FBXO21: variants seen among roughly 807,000 people sequenced by gnomAD.
FBXO21 encodes the protein F-box only protein 21.
A neutral mutation model predicts 76.6 loss-of-function variants in FBXO21; 32 were observed. That is an observed-to-expected ratio of 0.42 (90% CI 0.32 to 0.56). The LOEUF (loss-of-function observed/expected upper bound fraction) is 0.56, where lower values mean the gene tolerates loss of function less well. FBXO21 is among the 20% of genes least tolerant of loss of function. The pLI is 0.16. For synonymous variants in FBXO21, 328 were observed against 311.5 expected, an observed-to-expected ratio of 1.05 and a Z score of -0.56; for missense variants, 586 against 797.3, an observed-to-expected ratio of 0.73 and a Z score of 3.19.
intron 3 of FBXO21, among the ~76,000 whole-genome samples, chr12:117,178,503 C>G (rs1450683567): frequency 1.3e-5 from 2 of 152,068 alleles, no homozygotes; most frequent in East Asian, 3.9e-4. Flanking sequence ...CGGTTTCCCA[C>G]CTCGCTCCAA....
chr12:117,165,769 G>T (rs1418883964), intron 8 of FBXO21, 152 bp from the exon 9 acceptor site: 5 of 682,508 alleles, frequency 7.3e-6, no homozygotes, highest in African/African-American at 5.3e-5. Flanking sequence ...GAGATACAAT[G>T]CTCTTAAGAA....
At chr12:117,149,991 C>T (rs1249704225) in intron 11 of FBXO21, among the ~76,000 whole-genome samples, 3 of 152,174 alleles carry the variant, frequency 2.0e-5, no homozygotes, top group African/African-American at 7.2e-5. Flanking sequence ...CTCCCAGCCC[C>T]ACTCCTGGCT....
At chr12:117,189,146 G>A in intron 2 of FBXO21, 81 bp downstream of exon 2, 8 of 1,519,452 alleles carry the variant, frequency 5.3e-6, no homozygotes, top group Non-Finnish European at 7.3e-6. Context: ...GATACGAAAA[G>A]AGCTGGATGA....
chr12:117,163,757 A>G (rs1383254532), intron 9 of FBXO21, among the ~76,000 whole-genome samples: 3 of 151,892 alleles, frequency 2.0e-5, no homozygotes, highest in African/African-American at 7.3e-5. Context: ...AGCCTGGCCA[A>G]CATGGTGAAA....
chr12:117,165,932 G>A (rs1425628696), intron 8 of FBXO21, among the ~76,000 whole-genome samples: 1 of 152,218 alleles, frequency 6.6e-6, no homozygotes, highest in African/African-American at 2.4e-5. Flanking sequence ...GCTCATGCCT[G>A]TAATCCCACC....
intron 11 of FBXO21, among the ~76,000 whole-genome samples, chr12:117,147,290 G>GAAAAAAAAAA (rs144755940): frequency 1.2e-5 from 1 of 85,078 alleles, no homozygotes; most frequent in Non-Finnish European, 2.3e-5. Flanking sequence ...TGAAAAAATG[G>GAAAAAAAAAA]AAAAAAAAAA....
Position 117,190,436 on chromosome 12 carries a change from G to C in FBXO21, c.21C>G (p.Asp7Glu). The change falls in exon 1 of 12, where the codon GAC (aspartate) becomes GAG (glutamate). Residue 7 changes from aspartate to glutamate, a missense_variant. By Grantham distance (45) the Asp-to-Glu change is conservative (BLOSUM62 2). This residue lies in a region of FBXO21 where 152 missense variants were observed against 127.2 expected (regional missense o/e 1.19). Coordinates refer to ENST00000622495, the MANE Select transcript of FBXO21 (RefSeq NM_015002.3). ...GCGCCGGCACCACCTCCATCGCGCTGTCGACTGCTGCCGCCGCCATCTTGT... is the reference window on the plus strand; with the variant it reads ...GCGCCGGCACCACCTCCATCGCGCTCTCGACTGCTGCCGCCGCCATCTTGT... MAAAAV[D>E]SAMEVVPALA... is the part of the protein sequence containing the mutation. The C allele has an allele frequency of 1.4e-6, 2 of 1,406,104 alleles. No individual in the cohort carries two copies. The highest frequency in any genetic ancestry group is 2.9e-5 in the East Asian group (1 of 34,016). The allele number at this position is 1,406,104 out of a possible 1,614,324, so 87.1% of individuals were successfully genotyped here.
chr12:117,148,732 TAAG>T (rs1955806796), intron 11 of FBXO21, among the ~76,000 whole-genome samples: 1 of 152,002 alleles, frequency 6.6e-6, no homozygotes, highest in Non-Finnish European at 1.5e-5. Flanking sequence ...GAACCAGAAG[TAAG>T]AAAAATCCAA....
At chr12:117,146,404 T>A in intron 11 of FBXO21, 127 bp from the exon 12 acceptor site, 2 of 722,360 alleles carry the variant, frequency 2.8e-6, no homozygotes, top group South Asian at 3.7e-5. Context: ...AGACTGAAGA[T>A]GTTTATGGAG....
intron 3 of FBXO21, among the ~76,000 whole-genome samples, chr12:117,181,653 GCTAT>G (rs1254841788): frequency 2.8e-5 from 4 of 143,778 alleles, no homozygotes; most frequent in South Asian, 4.5e-4. Flanking sequence ...ATCTAATCTA[GCTAT>G]CTATCTATCT....
At chr12:117,181,760 T>C (rs868329098) in intron 3 of FBXO21, among the ~76,000 whole-genome samples, 4 of 152,074 alleles carry the variant, frequency 2.6e-5, no homozygotes, top group Non-Finnish European at 5.9e-5. Flanking sequence ...AGCGATTCTC[T>C]TGTTTCAGCC....
rs533308183 is a variant in FBXO21 at position 117,149,297 on chromosome 12, G to A, written c.1676-3020C>T. Among the ~76,000 whole-genome samples, 272 of 152,244 alleles carry A rather than the reference G, an allele frequency of 1.8e-3. 1 individual carries two copies. The highest frequency in any genetic ancestry group is 2.9e-3 in the Non-Finnish European group (197 of 68,012). On this transcript the variant is annotated intron_variant, in intron 11 of 11. Transcript: ENST00000622495. ...TTACAAGTGTGAGCCACCACGCCTGGCCATGTTTGGATTTTCTTGCAGAGC... is the reference window on the plus strand; with the variant it reads ...TTACAAGTGTGAGCCACCACGCCTGACCATGTTTGGATTTTCTTGCAGAGC...
chr12:117,159,921 T>C (rs4766831), intron 9 of FBXO21, among the ~76,000 whole-genome samples: 83,504 of 152,066 alleles, frequency 0.55, 23,395 homozygotes, highest in African/African-American at 0.65. Flanking sequence ...AGGGCAGAAA[T>C]GAAGACATTG....
chr12:117,187,192 G>C (rs556230999), intron 2 of FBXO21, among the ~76,000 whole-genome samples: 1 of 149,608 alleles, frequency 6.7e-6, no homozygotes, highest in African/African-American at 2.5e-5. Context: ...AGGCTGAGGT[G>C]GGCGGATCAC....
At chr12:117,148,148 A>G (rs1955799791) in intron 11 of FBXO21, among the ~76,000 whole-genome samples, 1 of 138,502 alleles carries the variant, frequency 7.2e-6, no homozygotes, top group South Asian at 2.3e-4. Flanking sequence ...GAGTTGTAGG[A>G]CTCAATCTGC....
At chr12:117,157,189 A>G (rs1335898002) in intron 10 of FBXO21, among the ~76,000 whole-genome samples, 1 of 152,074 alleles carries the variant, frequency 6.6e-6, no homozygotes, top group Non-Finnish European at 1.5e-5. Flanking sequence ...CCAAAGAAAA[A>G]AAAAAAAAGA....
At chr12:117,162,775 C>T (rs1467240014) in intron 9 of FBXO21, among the ~76,000 whole-genome samples, 1 of 152,196 alleles carries the variant, frequency 6.6e-6, no homozygotes, top group Non-Finnish European at 1.5e-5. Flanking sequence ...TGTAAAAATA[C>T]ACCTCAAACT....
chr12:117,158,094 A>G (rs1336856568), intron 9 of FBXO21, 31 bp from the exon 10 acceptor site: 1 of 1,612,962 alleles, frequency 6.2e-7, no homozygotes. Flanking sequence ...ACTAAAAGAT[A>G]ATATTTTCAG....
chr12:117,189,488 C>A, intron 1 of FBXO21, 126 bp from the exon 2 acceptor site: 1 of 954,380 alleles, frequency 1.0e-6, no homozygotes, highest in Non-Finnish European at 1.6e-6. Context: ...CGGCGAGAGA[C>A]CTAGTTCAAA....
Sources: gnomAD v4.1 joint callset for allele counts (sites outside exome capture counted in the v4.1 genomes callset) on GRCh38, gnomAD v4.1.1 for gene constraint, gnomAD v4.1.1 regional missense constraint, MANE v1.5 for transcripts, NCBI Gene and HGNC (gene_info 2026-07-23, HGNC 2026-07-21) for gene names.